Variants in PXK observed in about 807,000 individuals in gnomAD.
The protein encoded by PXK is PX domain-containing protein kinase-like protein.
A neutral mutation model predicts 84.7 loss-of-function variants in PXK; 35 were observed. The observed-to-expected ratio is 0.41, with a 90% CI of 0.32 to 0.55. The LOEUF (loss-of-function observed/expected upper bound fraction) is 0.55, where lower values mean the gene tolerates loss of function less well. Ranked by LOEUF, PXK falls within the 20% of genes least tolerant of loss-of-function variation. The pLI is 0.21. For synonymous variants in PXK, 253 were observed against 260.8 expected, an observed-to-expected ratio of 0.97 and a Z score of 0.29; for missense variants, 634 against 699.7, an observed-to-expected ratio of 0.91 and a Z score of 1.06.
intron 1 of PXK, among the ~76,000 whole-genome samples, chr3:58,345,655 A>G (rs2097801660): frequency 6.6e-6 from 1 of 152,240 alleles, no homozygotes; most frequent in South Asian, 2.1e-4. Context: ...GTGTAATGGT[A>G]AAAACTGTGA....
intron 13 of PXK, among the ~76,000 whole-genome samples, chr3:58,405,923 C>T (rs186254737): frequency 3.2e-4 from 49 of 152,190 alleles, no homozygotes; most frequent in African/African-American, 1.1e-3. Flanking sequence ...GTTATAATAA[C>T]TGGTTGAATT....
chr3:58,413,373 C>G (rs1476665524), intron 17 of PXK: 2 of 198,098 alleles, frequency 1.0e-5, no homozygotes, highest in East Asian at 2.8e-4. Context: ...CAGAGCACAA[C>G]TGGTAAGATG....
In PXK at chr3:58,370,050, C is replaced by A. The variant is rs577366280; in HGVS notation, c.201+572C>A. On this transcript the variant is annotated intron_variant, in intron 3 of 17. Transcript: ENST00000356151. The surrounding 1 kb of genome is among the most constrained non-coding windows in gnomAD (Gnocchi z 4.2). Reference sequence around the variant, plus strand: ...TCTTACCACAGTCATAGGAGGCTGACGTAATATCTCCTTTTAACAGATGTG... The same window carrying A: ...TCTTACCACAGTCATAGGAGGCTGAAGTAATATCTCCTTTTAACAGATGTG... Among the ~76,000 whole-genome samples, 1 of 152,054 alleles carries A rather than the reference C, an allele frequency of 6.6e-6. No homozygotes were observed. Among genetic ancestry groups the A allele is most frequent in the Non-Finnish European group, 1.5e-5 (1 of 68,022 alleles).
chr3:58,389,384 G>A (rs937323854), intron 4 of PXK, among the ~76,000 whole-genome samples: 1 of 152,160 alleles, frequency 6.6e-6, no homozygotes, highest in African/African-American at 2.4e-5. Flanking sequence ...GGCTTGGGTT[G>A]TGGTCTGGTG....
chr3:58,356,903 T>C (rs1349328375), intron 1 of PXK, among the ~76,000 whole-genome samples: 2 of 4,440 alleles, frequency 4.5e-4, no homozygotes, highest in Non-Finnish European at 2.0e-3. Flanking sequence ...GCCCGGCCTC[T>C]TTTTTTTTTT....
chr3:58,346,906 T>G (rs2097833790), intron 1 of PXK, among the ~76,000 whole-genome samples: 1 of 152,142 alleles, frequency 6.6e-6, no homozygotes, highest in Non-Finnish European at 1.5e-5. Context: ...TGGTGCGATC[T>G]CGGCTCACTG....
intron 1 of PXK, among the ~76,000 whole-genome samples, chr3:58,346,621 A>G (rs1445519731): frequency 6.6e-6 from 1 of 152,148 alleles, no homozygotes; most frequent in African/African-American, 2.4e-5. Context: ...GTGCCAAGCC[A>G]AGTGCTTTAT....
rs560703223 is a variant in PXK at position 58,391,323 on chromosome 3, T to G, written c.540+103T>G. Reference sequence around the variant, plus strand: ...AAAATTGTACTGTGCTCTTAAGTGATGATGTAAAGGCTTCCTTGGTCCATG... The same window carrying G: ...AAAATTGTACTGTGCTCTTAAGTGAGGATGTAAAGGCTTCCTTGGTCCATG... On this transcript the variant is annotated intron_variant, in intron 6 of 17. Coordinates refer to ENST00000356151, the MANE Select transcript of PXK (RefSeq NM_017771.5). The G allele has an allele frequency of 1.0e-5, 10 of 984,094 alleles. 1 individual carries two copies. Among genetic ancestry groups the G allele is most frequent in the Admixed American group, 2.2e-5 (1 of 45,524 alleles). The allele number at this position is 984,094 out of a possible 1,614,324, so 61.0% of individuals were successfully genotyped here. A position where few individuals can be genotyped will look rare whatever the true frequency, so the allele number is the denominator to read the frequency against.
chr3:58,409,398 GAAGTAGACAGCCTGAGC>G lies in PXK; in HGVS notation c.1309-130_1309-114del, dbSNP rs563896914. 286 of 835,328 alleles carry G rather than the reference GAAGTAGACAGCCTGAGC, an allele frequency of 3.4e-4. 1 individual carries two copies. In the African/African-American group the frequency reaches 4.0e-3, roughly 12 times the overall value. The allele number at this position is 835,328 out of a possible 1,614,324, so 51.7% of individuals were successfully genotyped here. A position where few individuals can be genotyped will look rare whatever the true frequency, so the allele number is the denominator to read the frequency against. On this transcript the variant is annotated intron_variant, in intron 14 of 17. Transcript: ENST00000356151. This position sits in a 1 kb window ranked among gnomAD's most constrained non-coding sequence, Gnocchi z 4.2. ...TACCTGGCATCCAGACCCGAGCCAGGAAGTAGACAGCCTGAGCAAGGAAAGATTTTCTTTTATCCCAA... is the reference window on the plus strand; with the variant it reads ...TACCTGGCATCCAGACCCGAGCCAGGAAGGAAAGATTTTCTTTTATCCCAA...
intron 1 of PXK, among the ~76,000 whole-genome samples, chr3:58,360,674 A>G (rs1200009668): frequency 6.6e-6 from 1 of 152,084 alleles, no homozygotes; most frequent in Non-Finnish European, 1.5e-5. Context: ...TCTACAAAAA[A>G]TACAAAAATT....
intron 13 of PXK, 110 bp from the exon 14 acceptor site, chr3:58,408,814 G>A (rs1163420578): frequency 3.0e-5 from 24 of 809,746 alleles, no homozygotes; most frequent in South Asian, 7.4e-5. Flanking sequence ...GAGCCACCGC[G>A]CCCGGCCGAA....
At chr3:58,348,110 A>G (rs750761654) in intron 1 of PXK, among the ~76,000 whole-genome samples, 3 of 152,086 alleles carry the variant, frequency 2.0e-5, no homozygotes, top group Non-Finnish European at 4.4e-5. Flanking sequence ...GGGTTTTGCT[A>G]TGTTGGCCAG....
intron 17 of PXK, chr3:58,413,390 TGGA>T (rs1057091268): frequency 1.1e-4 from 20 of 175,416 alleles, no homozygotes; most frequent in Admixed American, 3.5e-4. Flanking sequence ...GATGCCTAGG[TGGA>T]GGAGTGAAAG....
In PXK at chr3:58,401,758, C is replaced by T. The variant is rs528539251; in HGVS notation, c.1182-2104C>T. On this transcript the variant is annotated intron_variant, in intron 12 of 17. Coordinates refer to ENST00000356151, the MANE Select transcript of PXK (RefSeq NM_017771.5). This position sits in a 1 kb window ranked among gnomAD's most constrained non-coding sequence, Gnocchi z 4.4. ...TAGCTAACACGGTGAAACCCTGTCT[C>T]TACTAAAAATGCAAAAAAATTAGCC... 1.7e-3 allele frequency among the ~76,000 whole-genome samples: 257 copies of T among 152,106 alleles called. No homozygotes were observed. The highest frequency in any genetic ancestry group is 3.2e-3 in the Non-Finnish European group (220 of 68,004).
At chr3:58,415,530 C>T (rs1020556038) in intron 17 of PXK, among the ~76,000 whole-genome samples, 10 of 152,256 alleles carry the variant, frequency 6.6e-5, no homozygotes, top group African/African-American at 1.9e-4. Flanking sequence ...CCTTCAGGAA[C>T]CTCCGCATGT....
intron 17 of PXK, chr3:58,422,560 A>G (rs1460175213): frequency 6.1e-6 from 6 of 985,234 alleles, no homozygotes; most frequent in Admixed American, 6.1e-5. Context: ...TGGAAAATCC[A>G]TGTCCATTTA....
At position 58,364,066 on chromosome 3, in the gene PXK, C is replaced by G. The variant is rs577380111; in HGVS notation, c.103-1808C>G. ...ATCAGTTTCTGAATGGTGAACCAGCCTTGAGTCCCTAGAATGAGACCCACT... is the reference window on the plus strand; with the variant it reads ...ATCAGTTTCTGAATGGTGAACCAGCGTTGAGTCCCTAGAATGAGACCCACT... On this transcript the variant is annotated intron_variant, in intron 1 of 17. Coordinates refer to ENST00000356151, the MANE Select transcript of PXK (RefSeq NM_017771.5). The surrounding 1 kb of genome is among the most constrained non-coding windows in gnomAD (Gnocchi z 4.3). Among the ~76,000 whole-genome samples the G allele has an allele frequency of 6.6e-6, 1 of 152,246 alleles. No individual in the cohort carries two copies. Among genetic ancestry groups the G allele is most frequent in the Non-Finnish European group, 1.5e-5 (1 of 68,018 alleles).
chr3:58,355,965 A>G (rs1198884083), intron 1 of PXK, among the ~76,000 whole-genome samples: 1 of 152,106 alleles, frequency 6.6e-6, no homozygotes, highest in African/African-American at 2.4e-5. Flanking sequence ...AGCTCATTCG[A>G]TCTCGCTGAG....
Position 58,398,412 on chromosome 3 carries a change from G to A in PXK, c.1102+690G>A, listed in dbSNP as rs1035791320. Among the ~76,000 whole-genome samples the A allele has an allele frequency of 1.3e-5, 2 of 152,110 alleles. No individual in the cohort carries two copies. The highest frequency in any genetic ancestry group is 2.4e-5 in the African/African-American group (1 of 41,410). ...GACACAGTAAGACTCTGCCTCAAAC[G>A]AAAACAAAACAAAACAAGAATGCCA... On this transcript the variant is annotated intron_variant, in intron 11 of 17. Coordinates refer to ENST00000356151, the MANE Select transcript of PXK (RefSeq NM_017771.5). This position sits in a 1 kb window ranked among gnomAD's most constrained non-coding sequence, Gnocchi z 4.5.
Sources: allele counts gnomAD v4.1 joint callset (sites outside exome capture counted in the v4.1 genomes callset), GRCh38; gene constraint gnomAD v4.1.1; non-coding constraint Gnocchi (gnomAD v3.1); transcripts MANE v1.5; gene names NCBI Gene and HGNC (gene_info 2026-07-23, HGNC 2026-07-21).